SLK: variants seen among roughly 807,000 people sequenced by gnomAD.
SLK encodes STE20-like serine/threonine-protein kinase.
A neutral mutation model predicts 147.7 loss-of-function variants in SLK; 67 were observed. The ratio of observed to expected loss-of-function variants is 0.45; its 90% CI spans 0.37 to 0.56. SLK has a LOEUF of 0.56. Ranked by LOEUF, SLK falls within the 20% of genes least tolerant of loss-of-function variation. SLK has a pLI of 0.00. For missense variants in SLK, 1,136 were observed against 1,438.8 expected (o/e 0.79, Z 3.41); for synonymous variants, 441 against 475.0 (o/e 0.93, Z 0.93).
intron 18 of SLK, among the ~76,000 whole-genome samples, chr10:104,024,065 A>C (rs1844568334): frequency 6.6e-6 from 1 of 152,040 alleles, no homozygotes; most frequent in South Asian, 2.1e-4. Context: ...TCACCATCAG[A>C]TGTTCTTTTC....
In SLK at chr10:104,003,328, C is replaced by T. The variant is rs765774256; in HGVS notation, c.2150C>T (p.Ser717Phe). The T allele has an allele frequency of 1.1e-5, 18 of 1,613,840 alleles. No homozygotes were observed. Among genetic ancestry groups the T allele is most frequent in the Non-Finnish European group, 1.4e-5 (16 of 1,179,858 alleles). ...PVLIPSININ[S>F]DSGENKEEIG... Reference sequence around the variant, plus strand: ...CTAATACCCAGTATTAATATCAACTCTGACAGTGGAGAAAATAAAGAAGAA... The same window carrying T: ...CTAATACCCAGTATTAATATCAACTTTGACAGTGGAGAAAATAAAGAAGAA... The change falls in exon 9 of 19, where the codon TCT becomes TTT. Residue 717 changes from serine to phenylalanine, a missense_variant. Physicochemically the swap from Ser to Phe is radical, Grantham distance 155 (BLOSUM62 -2). This residue lies in a region of SLK where 516 missense variants were observed against 531.3 expected (regional missense o/e 0.97). Transcript: ENST00000369755.
Position 104,018,797 on chromosome 10 carries a change from A to C in SLK, c.3021A>C (p.Ala1007=). ...GCTGTCTTCTAGCTCGAGAAGCTGC[A>C]ATTTGGGAGCTCGAAGAACGACACT... The part of the protein sequence containing the change: ...KQQLMRAREA[A]IWELEERHLQ... Residue 1007 remains alanine, a synonymous_variant, in exon 15 of 19, where the codon GCA becomes GCC. Transcript: ENST00000369755. 1.2e-6 allele frequency: 2 copies of C among 1,611,654 alleles called. No homozygotes were observed. Among genetic ancestry groups the C allele is most frequent in the Non-Finnish European group, 1.7e-6 (2 of 1,179,406 alleles).
chr10:103,988,444 A>G lies in SLK; in HGVS notation c.151-2231A>G, dbSNP rs76610729. On this transcript the variant is annotated intron_variant, in intron 1 of 18. Coordinates refer to ENST00000369755, the MANE Select transcript of SLK (RefSeq NM_014720.4). ...GGGGTTATTTATATCCTACTGCCCAAGGTAATTGCCAAGGTCTGATTTTTC... is the reference window on the plus strand; with the variant it reads ...GGGGTTATTTATATCCTACTGCCCAGGGTAATTGCCAAGGTCTGATTTTTC... 4.4e-4 allele frequency among the ~76,000 whole-genome samples: 66 copies of G among 148,692 alleles called. No individual in the cohort carries two copies. In the East Asian group the frequency reaches 0.013, roughly 29 times the overall value.
At chr10:104,011,682 T>C (rs1225380106) in intron 13 of SLK, among the ~76,000 whole-genome samples, 1 of 151,980 alleles carries the variant, frequency 6.6e-6, no homozygotes, top group Non-Finnish European at 1.5e-5. Context: ...TGCCTCAGCC[T>C]CCCGAGTAGC....
In SLK at chr10:104,002,912, C is replaced by A. The variant is rs752439619; in HGVS notation, c.1734C>A (p.Val578=). The change falls in exon 9 of 19, where the codon GTC becomes GTA. Residue 578 remains valine, a synonymous_variant. Transcript: ENST00000369755. ...AGAGTAATGATGGGAAAGAAGTGGT[C>A]GAAGTAGGCCAGAAATTAATTAATA... ...DTQSNDGKEV[V]EVGQKLINKP... is the part of the protein sequence containing the mutation. 5 of 1,613,716 alleles carry A rather than the reference C, an allele frequency of 3.1e-6. No homozygotes were observed. In the African/African-American group the frequency reaches 4.0e-5, roughly 13 times the overall value.
intron 16 of SLK, 43 bp from the exon 17 acceptor site, chr10:104,020,445 A>G (rs757909182): frequency 3.2e-6 from 5 of 1,553,078 alleles, no homozygotes; most frequent in Non-Finnish European, 3.5e-6. Flanking sequence ...TATAGAAATC[A>G]CATGCTTCTG....
intron 17 of SLK, among the ~76,000 whole-genome samples, chr10:104,021,100 T>G (rs1331106709): frequency 1.3e-5 from 2 of 152,224 alleles, no homozygotes; most frequent in East Asian, 1.9e-4. Context: ...GAGGGCTGAT[T>G]TAGGACCTTA....
intron 4 of SLK, among the ~76,000 whole-genome samples, chr10:103,997,827 T>C (rs1844195886): frequency 6.6e-6 from 1 of 152,118 alleles, no homozygotes; most frequent in Admixed American, 6.5e-5. Flanking sequence ...AATAGGATGT[T>C]ACAGTTTTGA....
chr10:104,018,698 T>C (rs1193493272), intron 14 of SLK, 86 bp from the exon 15 acceptor site: 6 of 1,363,010 alleles, frequency 4.4e-6, no homozygotes, highest in Non-Finnish European at 3.0e-6. Flanking sequence ...GTATTTAGAA[T>C]ACTTCTATGT....
At chr10:104,001,677 AT>A in intron 8 of SLK, 105 bp downstream of exon 8, 1 of 1,220,702 alleles carries the variant, frequency 8.2e-7, no homozygotes, top group Non-Finnish European at 1.2e-6. Flanking sequence ...AAACCTTTAA[AT>A]TTAGACCTGA....
At chr10:104,012,656 G>A (rs1844414752) in intron 13 of SLK, among the ~76,000 whole-genome samples, 1 of 152,178 alleles carries the variant, frequency 6.6e-6, no homozygotes, top group South Asian at 2.1e-4. Context: ...ATCCAGATAA[G>A]TTTGGGTACA....
chr10:103,992,714 C>G, intron 3 of SLK, 68 bp downstream of exon 3: 2 of 1,381,128 alleles, frequency 1.4e-6, no homozygotes, highest in Non-Finnish European at 2.0e-6. Flanking sequence ...GAATTTCAAC[C>G]ATATATAAAT....
chr10:104,010,122 C>T (rs1019249971), intron 12 of SLK, among the ~76,000 whole-genome samples: 1 of 152,126 alleles, frequency 6.6e-6, no homozygotes, highest in Non-Finnish European at 1.5e-5. Context: ...GCTTACTAAA[C>T]TTACTTTTAA....
chr10:103,968,621 T>A (rs17094812), intron 1 of SLK, among the ~76,000 whole-genome samples: 3,612 of 152,342 alleles, frequency 0.024, 136 homozygotes, highest in African/African-American at 0.083. Context: ...CTAAGGAACA[T>A]ATGAATGATG....
At chr10:104,016,198 A>C (rs61861273) in intron 13 of SLK, among the ~76,000 whole-genome samples, 1 of 152,054 alleles carries the variant, frequency 6.6e-6, no homozygotes, top group Non-Finnish European at 1.5e-5. Flanking sequence ...GGGCGCCTGT[A>C]GTCCCGGCTA....
intron 13 of SLK, among the ~76,000 whole-genome samples, chr10:104,012,666 A>G (rs1200014789): frequency 2.6e-5 from 4 of 152,164 alleles, no homozygotes; most frequent in Admixed American, 6.5e-5. Context: ...GTTTGGGTAC[A>G]TGTTTCACAC....
chr10:104,017,614 G>T lies in SLK; in HGVS notation c.2878-546G>T, dbSNP rs947812913. Among the ~76,000 whole-genome samples, 72 of 152,030 alleles carry T rather than the reference G, an allele frequency of 4.7e-4. 4 individuals are homozygous for T. The highest frequency in any genetic ancestry group is 1.5e-5 in the Non-Finnish European group (1 of 67,994). Reference sequence around the variant, plus strand: ...CCTGCCTCAGCCTCCCTAGTAGCTGGGATTACAGGCACCCGCTACCACATC... The same window carrying T: ...CCTGCCTCAGCCTCCCTAGTAGCTGTGATTACAGGCACCCGCTACCACATC... On this transcript the variant is annotated intron_variant, in intron 13 of 18. Transcript: ENST00000369755.
At chr10:103,970,240 A>T (rs1334632139) in intron 1 of SLK, among the ~76,000 whole-genome samples, 1 of 152,242 alleles carries the variant, frequency 6.6e-6, no homozygotes, top group Non-Finnish European at 1.5e-5. Context: ...AGGAACCAAG[A>T]AGATAATAAA....
intron 1 of SLK, among the ~76,000 whole-genome samples, chr10:103,971,930 C>G (rs1236031906): frequency 6.6e-6 from 1 of 152,174 alleles, no homozygotes; most frequent in Admixed American, 6.5e-5. Flanking sequence ...ACTATCCTAT[C>G]TTTAAGTTAT....
Sources: allele counts gnomAD v4.1 joint callset (sites outside exome capture counted in the v4.1 genomes callset), GRCh38; gene constraint gnomAD v4.1.1; regional missense constraint gnomAD v4.1.1; transcripts MANE v1.5; gene names NCBI Gene and HGNC (gene_info 2026-07-23, HGNC 2026-07-21).